RIT2: variants seen among roughly 807,000 people sequenced by gnomAD.
The protein encoded by RIT2 is Ras like without CAAX 2.
Under a neutral mutation model 23.7 loss-of-function variants are expected in RIT2, and 24 were observed. That is an observed-to-expected ratio of 1.01 (90% CI 0.73 to 1.43). The LOEUF (loss-of-function observed/expected upper bound fraction) is 1.43. RIT2 is among the 40% of genes most tolerant of loss of function. The probability of loss-of-function intolerance (pLI) is 0.00; values close to 1 mark genes in which losing one functional copy is unlikely to be tolerated. For synonymous variants in RIT2, 107 were observed against 91.1 expected, an observed-to-expected ratio of 1.17 and a Z score of -0.99; for missense variants, 236 against 266.9, an observed-to-expected ratio of 0.88 and a Z score of 0.81.
rs753131696 is a variant in RIT2, at chr18:43,115,544, AAAG to A, written c.-28_-26del. On this transcript the variant is annotated 5_prime_UTR_variant, in exon 1 of 5. Transcript: ENST00000326695. ...TCTTACCCGAGGGACCGGAGGAAAA[AAAG>A]AAGGAGAAAGTCACCCGTGTCAGGT... is the stretch of plus-strand genomic sequence containing the variant. 26 of 1,600,802 alleles carry A rather than the reference AAAG, an allele frequency of 1.6e-5. No individual in the cohort carries two copies. Among genetic ancestry groups the A allele is most frequent in the African/African-American group, 2.7e-5 (2 of 73,864 alleles).
At chr18:42,915,676 A>T (rs972845583) in intron 4 of RIT2, among the ~76,000 whole-genome samples, 1 of 152,068 alleles carries the variant, frequency 6.6e-6, no homozygotes, top group Non-Finnish European at 1.5e-5. Context: ...GAAACTATCA[A>T]GTGGAAGTCT....
chr18:42,891,609 C>A (rs1257313892), intron 4 of RIT2, among the ~76,000 whole-genome samples: 1 of 152,042 alleles, frequency 6.6e-6, no homozygotes, highest in African/African-American at 2.4e-5. Context: ...GGAATAACTT[C>A]AAATTCATAT....
intron 1 of RIT2, among the ~76,000 whole-genome samples, chr18:43,103,027 A>C (rs1598785528): frequency 6.6e-6 from 1 of 152,108 alleles, no homozygotes; most frequent in Non-Finnish European, 1.5e-5. Context: ...CCTGTGGTCT[A>C]TTTGTGTTTC....
chr18:42,820,456 A>G (rs1196300027), intron 4 of RIT2, among the ~76,000 whole-genome samples: 1 of 152,108 alleles, frequency 6.6e-6, no homozygotes, highest in African/African-American at 2.4e-5. Context: ...AGTTTGACCT[A>G]CAGGGGCTAC....
At chr18:42,852,103 G>A (rs1273270175) in intron 4 of RIT2, among the ~76,000 whole-genome samples, 1 of 152,038 alleles carries the variant, frequency 6.6e-6, no homozygotes, top group African/African-American at 2.4e-5. Flanking sequence ...CTCAAGACTC[G>A]ACCATAAAAT....
intron 4 of RIT2, among the ~76,000 whole-genome samples, chr18:42,811,845 TATC>T (rs1905857617): frequency 6.6e-6 from 1 of 152,044 alleles, no homozygotes; most frequent in Non-Finnish European, 1.5e-5. Flanking sequence ...AATGAGCAAA[TATC>T]ATGAAAACTA....
chr18:42,849,774 C>G (rs1907001186), intron 4 of RIT2, among the ~76,000 whole-genome samples: 1 of 152,122 alleles, frequency 6.6e-6, no homozygotes, highest in South Asian at 2.1e-4. Context: ...TTAACTGTTT[C>G]TAACCCAATC....
chr18:43,087,462 C>A (rs1158696679), intron 1 of RIT2, among the ~76,000 whole-genome samples: 1 of 152,092 alleles, frequency 6.6e-6, no homozygotes, highest in African/African-American at 2.4e-5. Context: ...ACCTGTGTCT[C>A]CCTTTGAGAT....
chr18:42,923,839 T>C (rs1909116771), intron 3 of RIT2, 76 bp from the exon 4 acceptor site: 1 of 1,164,448 alleles, frequency 8.6e-7, no homozygotes, highest in African/African-American at 1.5e-5. Context: ...ATGTAATCAT[T>C]ATGAAATTTG....
At chr18:42,923,523 G>A in intron 4 of RIT2, 49 bp downstream of exon 4, 1 of 1,482,806 alleles carries the variant, frequency 6.7e-7, no homozygotes, top group Non-Finnish European at 9.3e-7. Flanking sequence ...TTTGTACTAT[G>A]CATCCTCAGA....
chr18:43,039,727 T>C (rs1419927710), intron 1 of RIT2, among the ~76,000 whole-genome samples: 3 of 152,172 alleles, frequency 2.0e-5, no homozygotes, highest in Non-Finnish European at 2.9e-5. Flanking sequence ...TTTTTGTTGG[T>C]ACTTTGGCTC....
intron 4 of RIT2, among the ~76,000 whole-genome samples, chr18:42,817,333 G>T (rs1906027068): frequency 6.6e-6 from 1 of 152,004 alleles, no homozygotes; most frequent in Non-Finnish European, 1.5e-5. Context: ...AGTTTTGTTG[G>T]CATAATTGAA....
At chr18:42,945,979 G>A (rs1909719239) in intron 3 of RIT2, among the ~76,000 whole-genome samples, 1 of 152,022 alleles carries the variant, frequency 6.6e-6, no homozygotes, top group Admixed American at 6.6e-5. Flanking sequence ...AATGTTTTTT[G>A]TTGTTTAATT....
intron 1 of RIT2, among the ~76,000 whole-genome samples, chr18:43,096,834 T>G (rs995879183): frequency 1.3e-5 from 2 of 151,840 alleles, no homozygotes; most frequent in African/African-American, 4.8e-5. Context: ...TCAACATGAT[T>G]GATAAAATCA....
intron 3 of RIT2, among the ~76,000 whole-genome samples, chr18:42,953,488 T>C (rs1909902223): frequency 6.6e-6 from 1 of 152,104 alleles, no homozygotes; most frequent in Non-Finnish European, 1.5e-5. Context: ...TATAAAACTA[T>C]AGGAGGCATT....
intron 3 of RIT2, among the ~76,000 whole-genome samples, chr18:42,929,142 G>A (rs1355429621): frequency 6.7e-5 from 10 of 149,574 alleles, no homozygotes; most frequent in Middle Eastern, 6.9e-3. Flanking sequence ...GACTCTGAAC[G>A]TTTAAACAAC....
intron 3 of RIT2, among the ~76,000 whole-genome samples, chr18:42,932,997 C>T (rs1909364394): frequency 6.6e-6 from 1 of 152,068 alleles, no homozygotes; most frequent in Non-Finnish European, 1.5e-5. Context: ...AGGTTTGTGA[C>T]ACTAAGCAAA....
chr18:43,049,211 C>T (rs1423401395), intron 1 of RIT2, among the ~76,000 whole-genome samples: 1 of 152,070 alleles, frequency 6.6e-6, no homozygotes, highest in Non-Finnish European at 1.5e-5. Flanking sequence ...TGTGTAGTTC[C>T]CTTTCATAAA....
At chr18:42,929,190 T>C (rs573203925) in intron 3 of RIT2, among the ~76,000 whole-genome samples, 4 of 151,580 alleles carry the variant, frequency 2.6e-5, no homozygotes, top group East Asian at 3.9e-4. Flanking sequence ...TATATCACTT[T>C]TGTCATCAAT....
Sources: allele counts gnomAD v4.1 joint callset (sites outside exome capture counted in the v4.1 genomes callset), GRCh38; gene constraint gnomAD v4.1.1; transcripts MANE v1.5; gene names NCBI Gene and HGNC (gene_info 2026-07-23, HGNC 2026-07-21).